Variants in ATG10 observed in about 807,000 individuals in gnomAD.
ATG10 encodes the protein ubiquitin-like-conjugating enzyme ATG10.
A neutral mutation model predicts 32.1 loss-of-function variants in ATG10; 30 were observed. That is an observed-to-expected ratio of 0.94 (90% CI 0.70 to 1.27). ATG10 has a LOEUF of 1.27. ATG10 is among the 50% of genes most tolerant of loss of function. The pLI, the probability that ATG10 is intolerant of heterozygous loss-of-function variation, is 0.00. For synonymous variants in ATG10, 87 were observed against 91.5 expected (o/e 0.95, Z 0.28); for missense variants, 233 against 262.3 (o/e 0.89, Z 0.77).
At chr5:82,082,508 C>A (rs1355748593) in intron 3 of ATG10, among the ~76,000 whole-genome samples, 2 of 152,112 alleles carry the variant, frequency 1.3e-5, no homozygotes, top group Non-Finnish European at 2.9e-5. Context: ...ATTTTAAAGA[C>A]CCTCTTGAGA....
intron 3 of ATG10, among the ~76,000 whole-genome samples, chr5:82,115,006 G>A (rs1765747892): frequency 6.6e-6 from 1 of 152,010 alleles, no homozygotes; most frequent in Non-Finnish European, 1.5e-5. Flanking sequence ...TTTAATTAAT[G>A]TAAATTTCAG....
At chr5:82,230,472 G>T (rs189859354) in intron 5 of ATG10, among the ~76,000 whole-genome samples, 1 of 152,058 alleles carries the variant, frequency 6.6e-6, no homozygotes, top group East Asian at 1.9e-4. Context: ...GGTGGCTCAC[G>T]CCTGTAATCC....
intron 2 of ATG10, among the ~76,000 whole-genome samples, chr5:82,040,952 C>T (rs1476465076): frequency 6.6e-6 from 1 of 152,104 alleles, no homozygotes; most frequent in African/African-American, 2.4e-5. Flanking sequence ...TCTCTTAGAT[C>T]GTGGTGTTGC....
intron 3 of ATG10, among the ~76,000 whole-genome samples, chr5:82,058,804 G>A (rs1396611510): frequency 6.6e-6 from 1 of 152,068 alleles, no homozygotes; most frequent in African/African-American, 2.4e-5. Context: ...AGATCCAATT[G>A]CCATTGGATC....
intron 3 of ATG10, among the ~76,000 whole-genome samples, chr5:82,163,556 A>G (rs1329515088): frequency 6.6e-6 from 1 of 152,194 alleles, no homozygotes; most frequent in Non-Finnish European, 1.5e-5. Flanking sequence ...AACCTGCTTC[A>G]TTCCTTCTAG....
intron 3 of ATG10, among the ~76,000 whole-genome samples, chr5:82,079,112 T>G (rs1024455490): frequency 4.6e-5 from 7 of 152,238 alleles, no homozygotes; most frequent in Admixed American, 2.6e-4. Context: ...ATTCAGATTC[T>G]TCATCTGTCT....
At chr5:82,173,824 A>C (rs1406837711) in intron 4 of ATG10, among the ~76,000 whole-genome samples, 1 of 152,192 alleles carries the variant, frequency 6.6e-6, no homozygotes, top group Non-Finnish European at 1.5e-5. Context: ...CATGGTTTAA[A>C]GTTTCTCATT....
chr5:82,075,468 G>A (rs1764247128), intron 3 of ATG10, among the ~76,000 whole-genome samples: 1 of 152,102 alleles, frequency 6.6e-6, no homozygotes, highest in Non-Finnish European at 1.5e-5. Flanking sequence ...TTTGTGTTTT[G>A]CAGGTTTTAT....
chr5:82,176,775 A>G (rs1329722300), intron 4 of ATG10, among the ~76,000 whole-genome samples: 1 of 152,222 alleles, frequency 6.6e-6, no homozygotes, highest in Non-Finnish European at 1.5e-5. Flanking sequence ...TTGGATGAAT[A>G]AATCTTGTTC....
At chr5:82,072,982 A>G (rs897004277) in intron 3 of ATG10, 1 of 152,154 alleles carries the variant, frequency 6.6e-6, no homozygotes, top group Non-Finnish European at 1.5e-5. Context: ...TGCTGATTCT[A>G]GGTAATACTT....
At chr5:82,136,667 T>G (rs942908408) in intron 3 of ATG10, among the ~76,000 whole-genome samples, 1 of 152,190 alleles carries the variant, frequency 6.6e-6, no homozygotes, top group African/African-American at 2.4e-5. Flanking sequence ...ATTTCAGCCT[T>G]GGTGAAGCTG....
intron 3 of ATG10, among the ~76,000 whole-genome samples, chr5:82,126,087 T>C (rs1034698732): frequency 1.6e-5 from 2 of 124,882 alleles, no homozygotes; most frequent in Non-Finnish European, 3.3e-5. Flanking sequence ...TTGTCTGTTA[T>C]TGGTGTATAG....
chr5:82,230,430 A>G (rs1268759046), intron 5 of ATG10, among the ~76,000 whole-genome samples: 1 of 152,206 alleles, frequency 6.6e-6, no homozygotes, highest in African/African-American at 2.4e-5. Context: ...GTATATATGC[A>G]TAATTTATAA....
intron 1 of ATG10, among the ~76,000 whole-genome samples, chr5:81,982,881 T>C (rs1761098493): frequency 6.6e-6 from 1 of 152,084 alleles, no homozygotes; most frequent in Non-Finnish European, 1.5e-5. Context: ...GGGTTGGGGG[T>C]AGGGTCACAG....
At chr5:82,227,738 A>C (rs894307186) in intron 5 of ATG10, among the ~76,000 whole-genome samples, 4 of 152,170 alleles carry the variant, frequency 2.6e-5, no homozygotes, top group Non-Finnish European at 5.9e-5. Context: ...CTGTTGTGTC[A>C]GAGGTCTGTG....
In ATG10 at chr5:82,149,537, A is replaced by G. The variant is rs1025304484; in HGVS notation, c.217-14862A>G. Among the ~76,000 whole-genome samples the G allele has an allele frequency of 3.2e-4, 49 of 151,986 alleles. 2 individuals carry two copies. Among genetic ancestry groups the G allele is most frequent in the Admixed American group, 3.9e-4 (6 of 15,256 alleles). On this transcript the variant is annotated intron_variant, in intron 3 of 7. Transcript: ENST00000282185. ...TGTTAAAGTTAGGGCATTTTATTAT[A>G]GTAAGAGGAACATGTTACCAATTTA...
chr5:81,994,690 G>A (rs1322242490), intron 2 of ATG10, among the ~76,000 whole-genome samples: 2 of 152,142 alleles, frequency 1.3e-5, no homozygotes, highest in Non-Finnish European at 2.9e-5. Flanking sequence ...TGGGTAATCA[G>A]TTTTACCCTT....
chr5:82,195,035 G>T (rs1000451498), intron 5 of ATG10, among the ~76,000 whole-genome samples: 4 of 152,154 alleles, frequency 2.6e-5, no homozygotes, highest in African/African-American at 9.7e-5. Flanking sequence ...CTTATTCACA[G>T]TCTGCTTTCA....
chr5:82,110,251 A>G (rs1461914923), intron 3 of ATG10, among the ~76,000 whole-genome samples: 1 of 152,204 alleles, frequency 6.6e-6, no homozygotes, highest in Non-Finnish European at 1.5e-5. Context: ...GTAGTGCCAC[A>G]ATAAACATAG....
Sources: allele counts gnomAD v4.1 joint callset (sites outside exome capture counted in the v4.1 genomes callset), GRCh38; gene constraint gnomAD v4.1.1; transcripts MANE v1.5; gene names NCBI Gene and HGNC (gene_info 2026-07-23, HGNC 2026-07-21).